Variants in CCDC85A observed in about 807,000 individuals in gnomAD.
CCDC85A encodes the protein coiled-coil domain containing 85A, also known as coiled-coil domain-containing protein 85A.
In CCDC85A, 38 loss-of-function variants were observed where a neutral mutation model predicts 50.2. The observed-to-expected ratio is 0.76, with a 90% CI of 0.58 to 0.99. The LOEUF (loss-of-function observed/expected upper bound fraction) is 0.99, where lower values mean the gene tolerates loss of function less well. CCDC85A is among the 50% of genes least tolerant of loss of function. CCDC85A has a pLI of 0.00. For missense variants in CCDC85A, 820 were observed against 742.0 expected (o/e 1.11, Z -1.22); for synonymous variants, 366 against 301.4 (o/e 1.21, Z -2.22).
intron 2 of CCDC85A, among the ~76,000 whole-genome samples, chr2:56,210,018 A>G (rs1677119843): frequency 6.6e-6 from 1 of 152,118 alleles, no homozygotes; most frequent in African/African-American, 2.4e-5. Flanking sequence ...GTTTTTGGAG[A>G]TATCTCAGTC....
At chr2:56,377,637 T>C (rs536909466) in intron 5 of CCDC85A, among the ~76,000 whole-genome samples, 77 of 152,202 alleles carry the variant, frequency 5.1e-4, no homozygotes, top group African/African-American at 1.5e-3. Context: ...TCATACAAAA[T>C]TTTATCTCTG....
chr2:56,354,015 T>C (rs1675098493), intron 3 of CCDC85A, among the ~76,000 whole-genome samples: 1 of 152,110 alleles, frequency 6.6e-6, no homozygotes. Flanking sequence ...TTTAAAAATA[T>C]CACACTTGAA....
chr2:56,379,344 G>C (rs1446526300), intron 5 of CCDC85A, among the ~76,000 whole-genome samples: 2 of 152,032 alleles, frequency 1.3e-5, no homozygotes, highest in Non-Finnish European at 2.9e-5. Flanking sequence ...TTTTATGCAG[G>C]CCATGTCTAC....
chr2:56,329,943 C>CTTTTTTTTTTTTTTT (rs1336192523), intron 2 of CCDC85A, among the ~76,000 whole-genome samples: 14 of 22,870 alleles, frequency 6.1e-4, no homozygotes, highest in Non-Finnish European at 1.2e-3. Flanking sequence ...TACAGATTTC[C>CTTTTTTTTTTTTTTT]TGTTTTTTTT....
chr2:56,359,329 T>C (rs1035683673), intron 3 of CCDC85A, among the ~76,000 whole-genome samples: 4 of 152,184 alleles, frequency 2.6e-5, no homozygotes, highest in African/African-American at 9.7e-5. Flanking sequence ...GATGCTTGCA[T>C]TTGACTTGAA....
At chr2:56,189,908 G>T (rs1676226646) in intron 1 of CCDC85A, among the ~76,000 whole-genome samples, 1 of 152,166 alleles carries the variant, frequency 6.6e-6, no homozygotes, top group African/African-American at 2.4e-5. Context: ...GTTGGCAAAG[G>T]TCAGGCCTGA....
At chr2:56,368,901 G>A (rs527528519) in intron 3 of CCDC85A, among the ~76,000 whole-genome samples, 21 of 151,642 alleles carry the variant, frequency 1.4e-4, no homozygotes, top group African/African-American at 2.9e-4. Context: ...TTTTTCTGGC[G>A]TGCAAACAAA....
intron 2 of CCDC85A, among the ~76,000 whole-genome samples, chr2:56,276,637 C>A (rs1345065566): frequency 6.6e-6 from 1 of 152,140 alleles, no homozygotes; most frequent in Non-Finnish European, 1.5e-5. Context: ...GCCTCCCCAG[C>A]CACTTGGAAC....
At chr2:56,305,697 T>C (rs1333971163) in intron 2 of CCDC85A, among the ~76,000 whole-genome samples, 1 of 152,266 alleles carries the variant, frequency 6.6e-6, no homozygotes, top group Admixed American at 6.5e-5. Flanking sequence ...CAGCATTCAC[T>C]GATTAAAGTC....
At chr2:56,280,076 C>T (rs888047372) in intron 2 of CCDC85A, among the ~76,000 whole-genome samples, 3 of 152,190 alleles carry the variant, frequency 2.0e-5, no homozygotes, top group East Asian at 1.9e-4. Context: ...CCTCACCCCC[C>T]CACCTCTAAA....
At chr2:56,276,641 T>G (rs897109995) in intron 2 of CCDC85A, among the ~76,000 whole-genome samples, 4 of 152,156 alleles carry the variant, frequency 2.6e-5, no homozygotes, top group African/African-American at 4.8e-5. Context: ...CCCCAGCCAC[T>G]TGGAACTGTA....
intron 2 of CCDC85A, among the ~76,000 whole-genome samples, chr2:56,211,511 G>T (rs1677177587): frequency 6.6e-6 from 1 of 151,854 alleles, no homozygotes. Flanking sequence ...ATCTTATTTA[G>T]TAGTGCTATA....
At chr2:56,193,519 C>G in intron 2 of CCDC85A, 79 bp downstream of exon 2, 1 of 1,443,970 alleles carries the variant, frequency 6.9e-7, no homozygotes, top group Non-Finnish European at 9.2e-7. Flanking sequence ...ACTTTCCAGC[C>G]ATGTAAGAAA....
chr2:56,361,493 A>G (rs369702913), intron 3 of CCDC85A, among the ~76,000 whole-genome samples: 48 of 152,316 alleles, frequency 3.2e-4, no homozygotes, highest in African/African-American at 1.1e-3. Context: ...ATTACCCAAA[A>G]GAGGTAATCA....
chr2:56,240,308 T>A (rs1306511077), intron 2 of CCDC85A, among the ~76,000 whole-genome samples: 1 of 152,184 alleles, frequency 6.6e-6, no homozygotes, highest in Non-Finnish European at 1.5e-5. Context: ...GGCTGAGTCT[T>A]CATTTACATA....
chr2:56,333,801 C>G (rs1035550205), intron 2 of CCDC85A, among the ~76,000 whole-genome samples: 2 of 152,112 alleles, frequency 1.3e-5, no homozygotes, highest in African/African-American at 2.4e-5. Context: ...AAAAGGAAAG[C>G]ATAATACTTG....
chr2:56,199,633 G>T (rs1013037080), intron 2 of CCDC85A, among the ~76,000 whole-genome samples: 2 of 151,922 alleles, frequency 1.3e-5, no homozygotes, highest in African/African-American at 4.8e-5. Flanking sequence ...GATGTCAGCT[G>T]CACTCCTTGC....
chr2:56,341,139 T>C (rs967507911), intron 2 of CCDC85A, among the ~76,000 whole-genome samples: 2 of 152,152 alleles, frequency 1.3e-5, no homozygotes, highest in Non-Finnish European at 1.5e-5. Flanking sequence ...TGAAGATGTA[T>C]GCACGCTCAC....
intron 2 of CCDC85A, among the ~76,000 whole-genome samples, chr2:56,280,850 T>C (rs1280422043): frequency 6.6e-6 from 1 of 152,248 alleles, no homozygotes; most frequent in Non-Finnish European, 1.5e-5. Flanking sequence ...TTGACTAGTT[T>C]CACTCATAAA....
Sources: allele counts gnomAD v4.1 joint callset (sites outside exome capture counted in the v4.1 genomes callset), GRCh38; gene constraint gnomAD v4.1.1; transcripts MANE v1.5; gene names NCBI Gene and HGNC (gene_info 2026-07-23, HGNC 2026-07-21).